ROBO2: variants seen among roughly 807,000 people sequenced by gnomAD.
ROBO2 encodes roundabout homolog 2.
A neutral mutation model predicts 160.8 loss-of-function variants in ROBO2; 53 were observed. The observed-to-expected ratio is 0.33, with a 90% CI of 0.26 to 0.41. The LOEUF (loss-of-function observed/expected upper bound fraction) is 0.41, where lower values mean the gene tolerates loss of function less well. Among genes scored for constraint, ROBO2 ranks in the 10% least tolerant of loss-of-function variants. The pLI, the probability that ROBO2 is intolerant of heterozygous loss-of-function variation, is 1.00. For synonymous variants in ROBO2, 664 were observed against 611.7 expected (o/e 1.09, Z -1.26); for missense variants, 1,577 against 1,722.4 (o/e 0.92, Z 1.49).
intron 2 of ROBO2, among the ~76,000 whole-genome samples, chr3:76,623,295 G>A (rs536586526): frequency 1.3e-5 from 2 of 152,082 alleles, no homozygotes; most frequent in South Asian, 4.2e-4. Flanking sequence ...TTGCCAATGT[G>A]CTCGGGTTTA....
At chr3:76,260,244 T>G (rs1263654897) in intron 2 of ROBO2, among the ~76,000 whole-genome samples, 1 of 152,134 alleles carries the variant, frequency 6.6e-6, no homozygotes, top group Non-Finnish European at 1.5e-5. Flanking sequence ...GCAGTCACTT[T>G]AGTAAATGCA....
intron 2 of ROBO2, among the ~76,000 whole-genome samples, chr3:76,754,631 A>G (rs1305939742): frequency 2.0e-5 from 3 of 151,878 alleles, no homozygotes; most frequent in African/African-American, 7.2e-5. Context: ...TGCTAGCCAG[A>G]TATTATTAGG....
At position 76,568,403 on chromosome 3, in the gene ROBO2, TTC is replaced by T. The variant is rs1250885457; in HGVS notation, c.110-529608_110-529607del. Among the ~76,000 whole-genome samples the T allele has an allele frequency of 5.3e-5, 8 of 152,012 alleles. No homozygotes were observed. In the South Asian group the frequency reaches 6.2e-4, roughly 12 times the overall value. ...AGCTCCGCCTCCCGGGTTCACACCA[TTC>T]TCCTGCCTCAACCTCCCGAGTAGCT... is the stretch of plus-strand genomic sequence containing the variant. On this transcript the variant is annotated intron_variant, in intron 2 of 26. Coordinates refer to the ROBO2 transcript ENST00000487694.
chr3:76,114,148 A>G (rs1467346901), intron 2 of ROBO2, among the ~76,000 whole-genome samples: 4 of 152,178 alleles, frequency 2.6e-5, no homozygotes, highest in Non-Finnish European at 5.9e-5. Flanking sequence ...CTCATGACCT[A>G]ATCACCTCTT....
At chr3:76,222,436 C>T (rs1251254910) in intron 2 of ROBO2, among the ~76,000 whole-genome samples, 18 of 152,166 alleles carry the variant, frequency 1.2e-4, no homozygotes, top group East Asian at 5.8e-4. Context: ...TAGGCTTATA[C>T]GTTGGCATAA....
chr3:76,471,927 A>G (rs1328069257), intron 2 of ROBO2, among the ~76,000 whole-genome samples: 2 of 152,104 alleles, frequency 1.3e-5, no homozygotes. Flanking sequence ...GCATGGAGGT[A>G]ACCGCCCTCA....
chr3:77,307,861 G>C (rs1487055384), intron 2 of ROBO2, among the ~76,000 whole-genome samples: 3 of 152,078 alleles, frequency 2.0e-5, no homozygotes, highest in African/African-American at 4.8e-5. Flanking sequence ...AGGAGGCCAA[G>C]GCAGGAGAAT....
chr3:76,023,198 A>G (rs1246926932), intron 2 of ROBO2, among the ~76,000 whole-genome samples: 1 of 151,684 alleles, frequency 6.6e-6, no homozygotes, highest in Non-Finnish European at 1.5e-5. Flanking sequence ...AACATTCTTC[A>G]TATCAGCGAC....
intron 2 of ROBO2, among the ~76,000 whole-genome samples, chr3:76,403,160 A>G (rs1422968994): frequency 1.3e-5 from 2 of 151,602 alleles, no homozygotes; most frequent in Admixed American, 6.6e-5. Context: ...TATTATGCCT[A>G]TCACAGGCAA....
chr3:76,736,247 A>T (rs1445414405), intron 2 of ROBO2, among the ~76,000 whole-genome samples: 2 of 146,420 alleles, frequency 1.4e-5, no homozygotes, highest in East Asian at 2.0e-4. Context: ...GCGTCCCTGC[A>T]CTCCAGCCTG....
intron 2 of ROBO2, among the ~76,000 whole-genome samples, chr3:76,279,594 G>A (rs1708123055): frequency 6.6e-6 from 1 of 151,832 alleles, no homozygotes; most frequent in African/African-American, 2.4e-5. Context: ...ACTTTAATGT[G>A]TTCTTTATGA....
chr3:77,444,650 A>G (rs2153556916), intron 2 of ROBO2, among the ~76,000 whole-genome samples: 1 of 152,322 alleles, frequency 6.6e-6, no homozygotes, highest in East Asian at 1.9e-4. Flanking sequence ...ATCTCTACAT[A>G]AAGCACATTG....
At chr3:77,524,809 C>A (rs748865358) in intron 6 of ROBO2, among the ~76,000 whole-genome samples, 3 of 150,930 alleles carry the variant, frequency 2.0e-5, no homozygotes, top group Admixed American at 6.6e-5. Flanking sequence ...CTTAAATCAG[C>A]AAACCTTAAA....
intron 2 of ROBO2, among the ~76,000 whole-genome samples, chr3:76,035,086 T>C (rs1337552858): frequency 6.6e-6 from 1 of 152,074 alleles, no homozygotes; most frequent in Non-Finnish European, 1.5e-5. Flanking sequence ...CCATGTGTGC[T>C]AATTTCTAGA....
intron 2 of ROBO2, among the ~76,000 whole-genome samples, chr3:75,990,432 GA>G (rs2065534178): frequency 6.6e-6 from 1 of 152,150 alleles, no homozygotes; most frequent in Admixed American, 6.5e-5. Context: ...TTTTGTGAAA[GA>G]CATTTATAGA....
At chr3:76,625,563 G>A (rs1482815590) in intron 2 of ROBO2, among the ~76,000 whole-genome samples, 3 of 152,110 alleles carry the variant, frequency 2.0e-5, no homozygotes, top group African/African-American at 7.2e-5. Context: ...AATGCAAGAA[G>A]AGGGAGCTTT....
chr3:77,050,854 AG>A (rs2065161220), intron 1 of ROBO2, among the ~76,000 whole-genome samples: 2 of 150,660 alleles, frequency 1.3e-5, no homozygotes, highest in East Asian at 2.0e-4. Flanking sequence ...GCAAAAAAAA[AG>A]AAAAAAAAAA....
chr3:76,216,122 T>TCAC (rs1162278896), intron 2 of ROBO2, among the ~76,000 whole-genome samples: 1 of 152,174 alleles, frequency 6.6e-6, no homozygotes, highest in African/African-American at 2.4e-5. Flanking sequence ...AGAGATTGTG[T>TCAC]CACCACCAGG....
rs373227669 is a variant in ROBO2 at position 76,035,444 on chromosome 3, G to C, written c.109+97842G>C. Among the ~76,000 whole-genome samples the C allele has an allele frequency of 1.8e-4, 27 of 151,696 alleles. 2 individuals are homozygous for C. The highest frequency in any genetic ancestry group is 6.1e-4 in the African/African-American group (25 of 41,118). On this transcript the variant is annotated intron_variant, in intron 2 of 26. Coordinates refer to the ROBO2 transcript ENST00000487694. ...TTTGTTTGTTTGTTTTTTTAATTAAGACTGGAAGCATGATTAGAAGGTGAC... is the reference window on the plus strand; with the variant it reads ...TTTGTTTGTTTGTTTTTTTAATTAACACTGGAAGCATGATTAGAAGGTGAC...
Sources: gnomAD v4.1 joint callset for allele counts (sites outside exome capture counted in the v4.1 genomes callset) on GRCh38, gnomAD v4.1.1 for gene constraint, MANE v1.5 for transcripts, NCBI Gene and HGNC (gene_info 2026-07-23, HGNC 2026-07-21) for gene names.